Variants in CSMD2 observed in about 807,000 individuals in gnomAD.
CSMD2 encodes the protein CUB and Sushi multiple domains 2.
A neutral mutation model predicts 398.5 loss-of-function variants in CSMD2; 130 were observed. That is an observed-to-expected ratio of 0.33 (90% CI 0.28 to 0.38). The LOEUF (loss-of-function observed/expected upper bound fraction) is 0.38, where lower values mean the gene tolerates loss of function less well. CSMD2 is among the 10% of genes least tolerant of loss of function. The probability of loss-of-function intolerance (pLI) is 1.00; values close to 1 mark genes in which losing one functional copy is unlikely to be tolerated. For missense variants in CSMD2, 3,829 were observed against 4,764.9 expected, an observed-to-expected ratio of 0.80 and a Z score of 5.78; for synonymous variants, 1,828 against 1,908.5, an observed-to-expected ratio of 0.96 and a Z score of 1.10.
At chr1:33,773,307 A>G (rs970842853) in intron 12 of CSMD2, among the ~76,000 whole-genome samples, 11 of 152,254 alleles carry the variant, frequency 7.2e-5, no homozygotes, top group Non-Finnish European at 8.8e-5. Flanking sequence ...ATTGAGAATA[A>G]ATGTTCACTG....
chr1:33,705,805 C>T (rs1645756767), intron 22 of CSMD2, among the ~76,000 whole-genome samples: 2 of 151,710 alleles, frequency 1.3e-5, no homozygotes, highest in African/African-American at 4.8e-5. Context: ...GGCGTGATCC[C>T]TAAACATTTT....
intron 67 of CSMD2, among the ~76,000 whole-genome samples, chr1:33,522,738 A>G (rs1381800339): frequency 6.6e-6 from 1 of 152,200 alleles, no homozygotes; most frequent in Non-Finnish European, 1.5e-5. Flanking sequence ...AGGGGATGCT[A>G]TGCTCAACTC....
In CSMD2 at chr1:33,580,779, C is replaced by T. The variant is rs867709818; in HGVS notation, c.7361G>A (p.Arg2454Gln). The T allele has an allele frequency of 1.4e-5, 22 of 1,614,064 alleles. No homozygotes were observed. The highest frequency in any genetic ancestry group is 7.7e-5 in the South Asian group (7 of 91,072). ...TGAATAGCGGATCTTGAAGCCCTTC[C>T]GATTGTAGGCGTGATCAGATGACCA... Reference protein sequence around the residue: ...LRWSSDHAYNRKGFKIRYSAP... With the variant: ...LRWSSDHAYNQKGFKIRYSAP... Residue 2454 changes from arginine to glutamine, a missense_variant, in exon 48 of 71, where the codon CGG becomes CAG. Physicochemically the swap from Arg to Gln is conservative, Grantham distance 43. This residue lies in a region of CSMD2 where 723 missense variants were observed against 758.6 expected (regional missense o/e 0.95). Transcript: ENST00000373381.
chr1:33,968,122 G>A (rs1006606213), intron 3 of CSMD2, among the ~76,000 whole-genome samples: 7 of 152,138 alleles, frequency 4.6e-5, no homozygotes, highest in African/African-American at 1.7e-4. Flanking sequence ...TTCCAGCCTG[G>A]CCCTGTCATA....
intron 5 of CSMD2, among the ~76,000 whole-genome samples, chr1:33,886,014 C>T (rs1346157235): frequency 6.6e-6 from 1 of 152,140 alleles, no homozygotes; most frequent in Non-Finnish European, 1.5e-5. Context: ...GAGTGCTTAG[C>T]CTGGCCCCAA....
intron 5 of CSMD2, chr1:33,864,721 G>A (rs142588923): frequency 6.8e-5 from 110 of 1,611,936 alleles, no homozygotes; most frequent in Middle Eastern, 1.7e-4. Context: ...GCTAGAAACC[G>A]GTGCAGAGGG....
At chr1:33,709,604 C>T (rs1417180483) in intron 21 of CSMD2, 1 of 373,732 alleles carries the variant, frequency 2.7e-6, no homozygotes, top group Non-Finnish European at 4.8e-6. Flanking sequence ...AGCGTAGCAA[C>T]AGAAATGACC....
Position 33,846,326 on chromosome 1 carries a change from A to G in CSMD2, c.1033+558T>C, listed in dbSNP as rs115748488. Among the ~76,000 whole-genome samples the G allele has an allele frequency of 5.8e-3, 883 of 152,336 alleles. 8 individuals are homozygous for G. Among genetic ancestry groups the G allele is most frequent in the African/African-American group, 0.02 (832 of 41,572 alleles). ...CAGTTCTTCACAGATTTGAGCATCAAAGCTATCATGCTCCCTAAAGTGATT... is the reference window on the plus strand; with the variant it reads ...CAGTTCTTCACAGATTTGAGCATCAGAGCTATCATGCTCCCTAAAGTGATT... On this transcript the variant is annotated intron_variant, in intron 6 of 70. Transcript: ENST00000373381.
At chr1:33,811,715 T>C (rs992653044) in intron 9 of CSMD2, among the ~76,000 whole-genome samples, 35 of 152,380 alleles carry the variant, frequency 2.3e-4, no homozygotes, top group African/African-American at 7.9e-4. Context: ...TAGTGATTTA[T>C]AACAGTTAAG....
rs572730137 is a variant in CSMD2, at chr1:33,797,021, T to C, written c.1447-4495A>G. Among the ~76,000 whole-genome samples, 9 of 152,330 alleles carry C rather than the reference T, an allele frequency of 5.9e-5. No homozygotes were observed. The South Asian group carries it at 1.9e-3, about 32-fold the overall frequency. ...TAAATCTGAGGTCAGACCGGTTCTCTGCTCTCGAACCCTGTTTTCTGTTGT... is the reference window on the plus strand; with the variant it reads ...TAAATCTGAGGTCAGACCGGTTCTCCGCTCTCGAACCCTGTTTTCTGTTGT... On this transcript the variant is annotated intron_variant, in intron 10 of 70. Coordinates refer to ENST00000373381, the MANE Select transcript of CSMD2 (RefSeq NM_001281956.2).
chr1:33,669,504 CT>C (rs1644421904), intron 25 of CSMD2, among the ~76,000 whole-genome samples: 1 of 152,190 alleles, frequency 6.6e-6, no homozygotes, highest in South Asian at 2.1e-4. Context: ...CAAGTCCCCC[CT>C]GGGCTTCCCC....
At chr1:33,917,114 C>G (rs562466300) in intron 5 of CSMD2, among the ~76,000 whole-genome samples, 1 of 152,152 alleles carries the variant, frequency 6.6e-6, no homozygotes, top group Non-Finnish European at 1.5e-5. Flanking sequence ...CAGACCTGGC[C>G]GGGCCCAGCC....
At chr1:34,047,840 G>A (rs1010971583) in intron 2 of CSMD2, among the ~76,000 whole-genome samples, 2 of 152,170 alleles carry the variant, frequency 1.3e-5, no homozygotes, top group African/African-American at 2.4e-5. Context: ...CCCACTTTAC[G>A]TGTAATTTAT....
At chr1:34,071,322 C>CACTGTAGACAGTCTATACTGTCTAT (rs1374018877) in intron 2 of CSMD2, among the ~76,000 whole-genome samples, 5 of 152,256 alleles carry the variant, frequency 3.3e-5, no homozygotes, top group Non-Finnish European at 7.3e-5. Context: ...ATACTGTCTA[C>CACTGTAGACAGTCTATACTGTCTAT]AGTGTCTTTA....
chr1:33,741,205 G>A (rs1647054141), intron 14 of CSMD2, among the ~76,000 whole-genome samples: 1 of 152,098 alleles, frequency 6.6e-6, no homozygotes, highest in Admixed American at 6.5e-5. Context: ...GTCAACATAA[G>A]TTGACTTGAA....
At chr1:33,659,531 C>A (rs1016501917) in intron 26 of CSMD2, among the ~76,000 whole-genome samples, 8 of 152,184 alleles carry the variant, frequency 5.3e-5, no homozygotes, top group Non-Finnish European at 1.0e-4. Flanking sequence ...TACTTTTATA[C>A]TAAAACAAAA....
In CSMD2 at chr1:33,611,127, G is replaced by A. The variant is rs140911773; in HGVS notation, c.6257C>T (p.Ser2086Phe). 52 of 1,613,982 alleles carry A rather than the reference G, an allele frequency of 3.2e-5. No individual in the cohort carries two copies. The highest frequency in any genetic ancestry group is 4.1e-5 in the Non-Finnish European group (48 of 1,180,030). Reference sequence around the variant, plus strand: ...GGTCTCGTGGGACGTGGAGAGGAGGGAGCTTGGAAGCTCGCTTCCACTGAA... The same window carrying A: ...GGTCTCGTGGGACGTGGAGAGGAGGAAGCTTGGAAGCTCGCTTCCACTGAA... ...GRFSGSELPS[S>F]LLSTSHETTV... The change falls in exon 41 of 71, where the codon TCC (serine) becomes TTC (phenylalanine). Residue 2086 changes from serine to phenylalanine, a missense_variant. Around this residue, in one of 5 missense-constraint regions of CSMD2, gnomAD observed 2,001 missense variants for 2,567.1 expected, o/e 0.78. Transcript: ENST00000373381.
At chr1:33,716,770 A>G (rs560371099) in intron 19 of CSMD2, among the ~76,000 whole-genome samples, 1 of 152,344 alleles carries the variant, frequency 6.6e-6, no homozygotes, top group South Asian at 2.1e-4. Context: ...TCAAAATTTA[A>G]AAGAGAGATT....
chr1:33,575,690 A>C (rs922645475), intron 49 of CSMD2, among the ~76,000 whole-genome samples: 2 of 152,182 alleles, frequency 1.3e-5, no homozygotes, highest in African/African-American at 4.8e-5. Flanking sequence ...GGCGCTCCGG[A>C]AAAAAGACTT....
Sources: allele counts gnomAD v4.1 joint callset (sites outside exome capture counted in the v4.1 genomes callset), GRCh38; gene constraint gnomAD v4.1.1; regional missense constraint gnomAD v4.1.1; transcripts MANE v1.5; gene names NCBI Gene and HGNC (gene_info 2026-07-23, HGNC 2026-07-21).